SIMC1: variants seen among roughly 807,000 people sequenced by gnomAD.
SIMC1 encodes the protein SUMO-interacting motif-containing protein 1.
SIMC1 carries 55 observed loss-of-function variants against 82.3 expected under a neutral mutation model. That is an observed-to-expected ratio of 0.67 (90% CI 0.54 to 0.84). The LOEUF (loss-of-function observed/expected upper bound fraction) is 0.84. Among genes scored for constraint, SIMC1 ranks in the 40% least tolerant of loss-of-function variants. SIMC1 has a pLI of 0.00. For missense variants in SIMC1, 915 were observed against 1,107.2 expected (o/e 0.83, Z 2.46); for synonymous variants, 353 against 426.3 (o/e 0.83, Z 2.12).
intron 1 of SIMC1, among the ~76,000 whole-genome samples, chr5:176,255,795 G>A (rs1761835777): frequency 6.6e-6 from 1 of 150,548 alleles, no homozygotes; most frequent in Non-Finnish European, 1.5e-5. Flanking sequence ...ATATACTGGA[G>A]GAAAACAACT....
chr5:176,323,250 G>A (rs1344330189), intron 6 of SIMC1, among the ~76,000 whole-genome samples: 1 of 152,140 alleles, frequency 6.6e-6, no homozygotes, highest in Non-Finnish European at 1.5e-5. Context: ...ACAGATTGAG[G>A]AAGGCCCTAA....
intron 1 of SIMC1, among the ~76,000 whole-genome samples, chr5:176,287,033 A>C (rs1400869928): frequency 2.6e-5 from 4 of 152,226 alleles, no homozygotes; most frequent in Admixed American, 1.3e-4. Context: ...TGTTGGTGGG[A>C]CTGTAAACTA....
At chr5:176,321,469 A>G (rs529925254) in intron 5 of SIMC1, among the ~76,000 whole-genome samples, 2 of 151,604 alleles carry the variant, frequency 1.3e-5, no homozygotes, top group East Asian at 3.9e-4. Flanking sequence ...ACTGCTATTC[A>G]TCTTCTCTCC....
intron 1 of SIMC1, among the ~76,000 whole-genome samples, chr5:176,288,710 A>G (rs1404595032): frequency 6.6e-6 from 1 of 152,188 alleles, no homozygotes; most frequent in Non-Finnish European, 1.5e-5. Context: ...GCTGTTAACA[A>G]TGGTGACCAT....
At chr5:176,246,943 C>G (rs902402071) in intron 1 of SIMC1, among the ~76,000 whole-genome samples, 2 of 152,106 alleles carry the variant, frequency 1.3e-5, no homozygotes, top group African/African-American at 4.8e-5. Flanking sequence ...ATGAACTTAT[C>G]CTTTTTTATG....
chr5:176,319,423 A>G (rs1765061077), intron 5 of SIMC1, among the ~76,000 whole-genome samples: 1 of 151,986 alleles, frequency 6.6e-6, no homozygotes, highest in Non-Finnish European at 1.5e-5. Flanking sequence ...AGTCCCAGCT[A>G]CTGGAGAGGC....
intron 1 of SIMC1, among the ~76,000 whole-genome samples, chr5:176,252,740 C>T (rs1168551504): frequency 9.9e-5 from 15 of 152,170 alleles, no homozygotes; most frequent in Admixed American, 2.0e-4. Flanking sequence ...GATGGGGTGG[C>T]GGCCGGGCAG....
intron 2 of SIMC1, among the ~76,000 whole-genome samples, chr5:176,293,762 AATT>A (rs1333490413): frequency 2.0e-5 from 3 of 151,906 alleles, no homozygotes; most frequent in African/African-American, 7.3e-5. Context: ...AAAAAAAAAA[AATT>A]AAGAGCTCCA....
At chr5:176,271,531 C>T (rs1386998922) in intron 1 of SIMC1, among the ~76,000 whole-genome samples, 10 of 152,012 alleles carry the variant, frequency 6.6e-5, no homozygotes. Flanking sequence ...AAAAATTAGA[C>T]TCATGGTGAT....
At chr5:176,301,238 A>G (rs2113298128) in intron 4 of SIMC1, among the ~76,000 whole-genome samples, 1 of 152,210 alleles carries the variant, frequency 6.6e-6, no homozygotes, top group South Asian at 2.1e-4. Flanking sequence ...TGCTGTTCTC[A>G]TAATAGTGAA....
intron 1 of SIMC1, among the ~76,000 whole-genome samples, chr5:176,261,412 G>C (rs1261401797): frequency 6.6e-6 from 1 of 152,116 alleles, no homozygotes; most frequent in African/African-American, 2.4e-5. Flanking sequence ...AATTTGGGTA[G>C]AACAAATGCT....
intron 5 of SIMC1, among the ~76,000 whole-genome samples, chr5:176,321,885 C>CTTTTTTTTTTTTTTTTTTTTTTTTT (rs11418187): frequency 1.1e-5 from 1 of 90,720 alleles, no homozygotes; most frequent in Non-Finnish European, 2.0e-5. Flanking sequence ...TTTTAGTTAG[C>CTTTTTTTTTTTTTTTTTTTTTTTTT]TTTTTTTTTT....
At chr5:176,297,227 G>A (rs544018846) in intron 4 of SIMC1, among the ~76,000 whole-genome samples, 2 of 152,202 alleles carry the variant, frequency 1.3e-5, no homozygotes, top group Non-Finnish European at 2.9e-5. Flanking sequence ...GAGGCCAGGC[G>A]TGGTGGCTCA....
At chr5:176,293,747 C>CA (rs531149436) in intron 2 of SIMC1, among the ~76,000 whole-genome samples, 9,738 of 110,980 alleles carry the variant, frequency 0.088, 1,071 homozygotes, top group African/African-American at 0.28. Context: ...GACTTCATCT[C>CA]AAAAAAAAAA....
intron 1 of SIMC1, among the ~76,000 whole-genome samples, chr5:176,283,325 C>A (rs534944476): frequency 6.6e-6 from 1 of 152,364 alleles, no homozygotes; most frequent in African/African-American, 2.4e-5. Flanking sequence ...CAGCTAATCT[C>A]TTGGCAGAAA....
Position 176,305,136 on chromosome 5 carries a change from A to AGT in SIMC1, c.1735-8554_1735-8553insTG, listed in dbSNP as rs1428016379. Among the ~76,000 whole-genome samples the AGT allele has an allele frequency of 1.5e-4, 5 of 32,674 alleles. 1 individual carries two copies. The highest frequency in any genetic ancestry group is 2.5e-4 in the Non-Finnish European group (4 of 16,286). 21.4% of individuals were successfully genotyped at this position (32,674 alleles called of 152,430 possible). A position where few individuals can be genotyped will look rare whatever the true frequency, so the allele number is the denominator to read the frequency against. On this transcript the variant is annotated intron_variant, in intron 4 of 9. Transcript: ENST00000429602. The stretch of plus-strand genomic sequence containing the variant: ...CGCCCGGCCAGCCGTGCCATCCAGG[A>AGT]GGGGGGGGGGGTCAGCCCCCCGCCT...
chr5:176,292,304 G>A (rs1052026794), intron 2 of SIMC1, among the ~76,000 whole-genome samples: 2 of 152,052 alleles, frequency 1.3e-5, no homozygotes, highest in Non-Finnish European at 2.9e-5. Context: ...AAGTTCCACC[G>A]TATGAAGTGT....
intron 7 of SIMC1, among the ~76,000 whole-genome samples, chr5:176,328,410 T>G (rs1765485642): frequency 6.6e-6 from 1 of 152,020 alleles, no homozygotes; most frequent in Non-Finnish European, 1.5e-5. Context: ...GGAGAAAAGG[T>G]ACTGGGCTCG....
At chr5:176,341,750 GTGATGATGA>G (rs59865118) in intron 9 of SIMC1, among the ~76,000 whole-genome samples, 21 of 151,722 alleles carry the variant, frequency 1.4e-4, no homozygotes, top group Admixed American at 8.5e-4. Context: ...GATTCCTATA[GTGATGATGA>G]TGATGATGAT....
Sources: allele counts gnomAD v4.1 joint callset (sites outside exome capture counted in the v4.1 genomes callset), GRCh38; gene constraint gnomAD v4.1.1; transcripts MANE v1.5; gene names NCBI Gene and HGNC (gene_info 2026-07-23, HGNC 2026-07-21).